ROBO1: variants seen among roughly 807,000 people sequenced by gnomAD.
The protein encoded by ROBO1 is roundabout guidance receptor 1.
ROBO1 carries 149 observed loss-of-function variants against 195.9 expected under a neutral mutation model. That is an observed-to-expected ratio of 0.76 (90% CI 0.67 to 0.87). ROBO1 has a LOEUF of 0.87. Among genes scored for constraint, ROBO1 ranks in the 40% least tolerant of loss-of-function variants. The probability of loss-of-function intolerance (pLI) is 0.00; values close to 1 mark genes in which losing one functional copy is unlikely to be tolerated. For missense variants in ROBO1, 1,933 were observed against 2,068.3 expected (o/e 0.93, Z 1.27); for synonymous variants, 816 against 733.2 (o/e 1.11, Z -1.82).
intron 3 of ROBO1, among the ~76,000 whole-genome samples, chr3:78,957,799 G>C (rs568114284): frequency 1.2e-4 from 18 of 152,272 alleles, no homozygotes; most frequent in African/African-American, 4.3e-4. Context: ...CTAATTCCTA[G>C]TCTATGCTGC....
intron 4 of ROBO1, among the ~76,000 whole-genome samples, chr3:78,850,431 G>A (rs2033981077): frequency 6.6e-6 from 1 of 152,078 alleles, no homozygotes; most frequent in Non-Finnish European, 1.5e-5. Context: ...AAGGGATAAA[G>A]CAGTCACACA....
At chr3:78,734,611 G>GAA (rs765077378) in intron 5 of ROBO1, among the ~76,000 whole-genome samples, 10 of 127,328 alleles carry the variant, frequency 7.9e-5, no homozygotes, top group Non-Finnish European at 8.5e-5. Flanking sequence ...TCCATTTGGG[G>GAA]GAAAAAAAAA....
intron 4 of ROBO1, among the ~76,000 whole-genome samples, chr3:78,747,127 G>A (rs2082677135): frequency 6.6e-6 from 1 of 152,102 alleles, no homozygotes; most frequent in Non-Finnish European, 1.5e-5. Context: ...GAGGCCAGCA[G>A]GCGCGTGTAT....
intron 4 of ROBO1, among the ~76,000 whole-genome samples, chr3:78,787,926 CTTTTTTTTT>C (rs71127358): frequency 8.4e-5 from 6 of 71,716 alleles, no homozygotes; most frequent in African/African-American, 3.1e-4. Context: ...GACCCCTTCT[CTTTTTTTTT>C]TTTTTTTTTT....
chr3:78,817,346 A>G (rs2030156681), intron 4 of ROBO1, among the ~76,000 whole-genome samples: 1 of 152,132 alleles, frequency 6.6e-6, no homozygotes, highest in Admixed American at 6.6e-5. Flanking sequence ...TAAGGTATAT[A>G]CTTTTTTTTA....
At position 79,767,837 on chromosome 3, in the gene ROBO1, G is replaced by C. The variant is rs1705079174; in HGVS notation, c.-136C>G. 1 of 152,176 alleles carries C rather than the reference G, an allele frequency of 6.6e-6. No homozygotes were observed. The highest frequency in any genetic ancestry group is 2.4e-5 in the African/African-American group (1 of 41,422). The allele number at this position is 152,176 out of a possible 1,614,324, so 9.4% of individuals were successfully genotyped here. On this transcript the variant is annotated 5_prime_UTR_variant, in exon 1 of 31. Transcript: ENST00000464233. Reference sequence around the variant, plus strand: ...CTTTGCTGTGCACTGAGACCTTTCCGAGTTTAAACCAAGCGAAAGGTGACA... The same window carrying C: ...CTTTGCTGTGCACTGAGACCTTTCCCAGTTTAAACCAAGCGAAAGGTGACA...
intron 4 of ROBO1, among the ~76,000 whole-genome samples, chr3:78,846,027 G>A (rs1223263514): frequency 6.6e-6 from 1 of 152,038 alleles, no homozygotes; most frequent in African/African-American, 2.4e-5. Flanking sequence ...AGTACACATA[G>A]AAATTAGCCC....
intron 5 of ROBO1, among the ~76,000 whole-genome samples, chr3:78,738,844 T>C (rs759105970): frequency 1.3e-5 from 2 of 152,224 alleles, no homozygotes; most frequent in Non-Finnish European, 2.9e-5. Context: ...AATTCAGCTA[T>C]GCAATAAGTA....
chr3:78,632,852 A>C (rs767307713), intron 24 of ROBO1, among the ~76,000 whole-genome samples: 2 of 152,214 alleles, frequency 1.3e-5, no homozygotes, highest in Non-Finnish European at 2.9e-5. Flanking sequence ...TGATTTTCTT[A>C]AAAGTAGATC....
At chr3:79,081,661 T>C (rs1295525799) in intron 3 of ROBO1, among the ~76,000 whole-genome samples, 4 of 152,162 alleles carry the variant, frequency 2.6e-5, no homozygotes, top group East Asian at 1.9e-4. Flanking sequence ...AAAGCTGACA[T>C]AGTGGTGCTA....
At chr3:79,146,821 T>G (rs2080663022) in intron 2 of ROBO1, among the ~76,000 whole-genome samples, 1 of 151,950 alleles carries the variant, frequency 6.6e-6, no homozygotes, top group Non-Finnish European at 1.5e-5. Flanking sequence ...ATCTGATTAT[T>G]TAACAGGAGA....
intron 4 of ROBO1, among the ~76,000 whole-genome samples, chr3:78,777,435 A>G (rs1559845125): frequency 6.6e-6 from 1 of 152,068 alleles, no homozygotes; most frequent in Non-Finnish European, 1.5e-5. Flanking sequence ...TATGATATAT[A>G]TACAACCAAT....
At chr3:79,052,641 A>G (rs947530173) in intron 3 of ROBO1, among the ~76,000 whole-genome samples, 1 of 152,000 alleles carries the variant, frequency 6.6e-6, no homozygotes, top group Non-Finnish European at 1.5e-5. Context: ...CAGCTGTAAA[A>G]TTTCTCTCTT....
rs566161446 is a variant in ROBO1, at chr3:79,349,155, G to T, written c.89-223616C>A. 1.9e-4 allele frequency among the ~76,000 whole-genome samples: 29 copies of T among 152,204 alleles called. 1 individual carries two copies. The East Asian group carries it at 5.6e-3, about 29-fold the overall frequency. ...TAGGATAAGCATTCATGAATTATGG[G>T]TTTAATTTATAACCAGCATCTAATA... is the stretch of plus-strand genomic sequence containing the variant. On this transcript the variant is annotated intron_variant, in intron 2 of 30. Coordinates refer to ENST00000464233, the MANE Select transcript of ROBO1 (RefSeq NM_002941.4).
intron 3 of ROBO1, among the ~76,000 whole-genome samples, chr3:79,093,309 A>G (rs151040576): frequency 3.4e-4 from 52 of 152,264 alleles, no homozygotes; most frequent in African/African-American, 1.3e-3. Context: ...AGTATAACTA[A>G]TAGCTGGTTG....
intron 2 of ROBO1, among the ~76,000 whole-genome samples, chr3:79,225,785 C>G (rs1434224834): frequency 6.6e-6 from 1 of 152,164 alleles, no homozygotes; most frequent in East Asian, 1.9e-4. Context: ...TTATTTGCTA[C>G]TATCTCAAGC....
intron 3 of ROBO1, among the ~76,000 whole-genome samples, chr3:79,093,188 G>C (rs539546825): frequency 6.6e-6 from 1 of 152,150 alleles, no homozygotes; most frequent in South Asian, 2.1e-4. Flanking sequence ...TAAGAATATG[G>C]GGTAACACCA....
In ROBO1 at chr3:79,398,874, A is replaced by G. The variant is rs2037253007; in HGVS notation, c.88+190950T>C. 1.3e-5 allele frequency among the ~76,000 whole-genome samples: 2 copies of G among 152,084 alleles called. 1 individual carries two copies. Among genetic ancestry groups the G allele is most frequent in the South Asian group, 4.1e-4 (2 of 4,828 alleles). ...TTTTATGTTAATCACACTCTCTCAG[A>G]TGTTATGTTAATGGCACAGACACAC... On this transcript the variant is annotated intron_variant, in intron 2 of 30. Coordinates refer to ENST00000464233, the MANE Select transcript of ROBO1 (RefSeq NM_002941.4).
intron 4 of ROBO1, among the ~76,000 whole-genome samples, chr3:78,761,457 T>G (rs2083103285): frequency 6.6e-6 from 1 of 152,164 alleles, no homozygotes; most frequent in Admixed American, 6.5e-5. Context: ...TTTAACAATC[T>G]TTTTATATTC....
Sources: allele counts gnomAD v4.1 joint callset (sites outside exome capture counted in the v4.1 genomes callset), GRCh38; gene constraint gnomAD v4.1.1; transcripts MANE v1.5; gene names NCBI Gene and HGNC (gene_info 2026-07-23, HGNC 2026-07-21).